The following NOTCH2 variants were observed in gnomAD, a reference collection of about 807,000 sequenced individuals.
NOTCH2 encodes the protein neurogenic locus notch homolog protein 2.
NOTCH2 carries 29 observed loss-of-function variants against 235.8 expected under a neutral mutation model. The ratio of observed to expected loss-of-function variants is 0.12; its 90% CI spans 0.09 to 0.17. NOTCH2 has a LOEUF of 0.17. Ranked by LOEUF, NOTCH2 falls within the 10% of genes least tolerant of loss-of-function variation. The probability of loss-of-function intolerance (pLI) is 1.00; values close to 1 mark genes in which losing one functional copy is unlikely to be tolerated. For synonymous variants in NOTCH2, 1,086 were observed against 1,141.5 expected (o/e 0.95, Z 0.98); for missense variants, 2,285 against 3,150.2 (o/e 0.73, Z 6.57).
chr1:119,958,236 G>A (rs1650783227), intron 12 of NOTCH2, among the ~76,000 whole-genome samples: 1 of 152,128 alleles, frequency 6.6e-6, no homozygotes, highest in African/African-American at 2.4e-5. Flanking sequence ...AGCAGCACTG[G>A]GCATTGGGTA....
At chr1:120,038,768 C>T (rs1553212284) in intron 1 of NOTCH2, among the ~76,000 whole-genome samples, 2 of 147,580 alleles carry the variant, frequency 1.4e-5, no homozygotes, top group East Asian at 3.9e-4. Flanking sequence ...AATTTCCAGG[C>T]CTTTAACAAG....
intron 5 of NOTCH2, among the ~76,000 whole-genome samples, chr1:119,975,840 T>C (rs905900596): frequency 6.6e-6 from 1 of 152,136 alleles, no homozygotes; most frequent in African/African-American, 2.4e-5. Context: ...CAGCTCATTA[T>C]GGCTCTCTCA....
chr1:119,932,518 C>T lies in NOTCH2; in HGVS notation c.3655+2954G>A, dbSNP rs181973921. Among the ~76,000 whole-genome samples the T allele has an allele frequency of 5.4e-4, 82 of 152,180 alleles. 1 individual carries two copies. In the East Asian group the frequency reaches 0.014, roughly 26 times the overall value. ...AGGAAAATCACTCGAACCCAGGAGG[C>T]GGAGGTTGCGGTGAGCTGAGATCAT... On this transcript the variant is annotated intron_variant, in intron 22 of 33. Transcript: ENST00000256646.
intron 22 of NOTCH2, 137 bp downstream of exon 22, chr1:119,935,335 C>A: frequency 1.3e-6 from 2 of 1,596,854 alleles, no homozygotes; most frequent in Non-Finnish European, 1.7e-6. Context: ...GCTTGAATTA[C>A]TAGGATGTAG....
At chr1:120,057,027 A>T (rs1553215380) in intron 1 of NOTCH2, among the ~76,000 whole-genome samples, 1 of 117,094 alleles carries the variant, frequency 8.5e-6, no homozygotes, top group Admixed American at 7.2e-5. Flanking sequence ...TTAAATAATT[A>T]TTAGATCACA....
chr1:119,948,098 T>C (rs1430587728), intron 17 of NOTCH2, among the ~76,000 whole-genome samples: 1 of 152,234 alleles, frequency 6.6e-6, no homozygotes, highest in Non-Finnish European at 1.5e-5. Context: ...AATTGTACAC[T>C]GAAAATATTT....
At chr1:120,028,981 C>T (rs373122043) in intron 2 of NOTCH2, among the ~76,000 whole-genome samples, 12 of 151,650 alleles carry the variant, frequency 7.9e-5, no homozygotes, top group Middle Eastern at 3.4e-3. Flanking sequence ...ACAAACAAAA[C>T]GTCTTGGCTA....
At position 119,957,883 on chromosome 1, in the gene NOTCH2, C is replaced by CA. The variant is rs1553198567; in HGVS notation, c.2026+1508dup. On this transcript the variant is annotated intron_variant, in intron 12 of 33. Coordinates refer to ENST00000256646, the MANE Select transcript of NOTCH2 (RefSeq NM_024408.4). ...ACACACACACACACACACACACACACAACAGGCCCCTAATCAGGATGTCCA... is the reference window on the plus strand; with the variant it reads ...ACACACACACACACACACACACACACAAACAGGCCCCTAATCAGGATGTCCA... Among the ~76,000 whole-genome samples, 191 of 143,634 alleles carry CA rather than the reference C, an allele frequency of 1.3e-3. 2 individuals are homozygous for CA. Among genetic ancestry groups the CA allele is most frequent in the Middle Eastern group, 3.5e-3 (1 of 284 alleles). The allele number at this position is 143,634 out of a possible 152,430, so 94.2% of individuals were successfully genotyped here.
intron 2 of NOTCH2, among the ~76,000 whole-genome samples, chr1:120,015,009 T>TAA (rs1181418610): frequency 4.9e-4 from 54 of 109,100 alleles, no homozygotes; most frequent in African/African-American, 1.4e-3. Context: ...TTTTTTTTTT[T>TAA]AAAAACGAGG....
intron 29 of NOTCH2, among the ~76,000 whole-genome samples, chr1:119,920,600 T>A (rs587641040): frequency 6.6e-6 from 1 of 152,288 alleles, no homozygotes; most frequent in East Asian, 1.9e-4. Context: ...CTGCATCATC[T>A]AGACAACTCC....
intron 1 of NOTCH2, among the ~76,000 whole-genome samples, chr1:120,067,336 A>T (rs1427301042): frequency 1.3e-5 from 2 of 150,498 alleles, no homozygotes; most frequent in Non-Finnish European, 2.9e-5. Context: ...AGTCAACTTG[A>T]CTAACACTCA....
rs1343578450 is a variant in NOTCH2 at position 119,931,100 on chromosome 1, CT to C, written c.3656-1889del. 1.1e-3 allele frequency among the ~76,000 whole-genome samples: 125 copies of C among 113,106 alleles called. 1 individual carries two copies. Among genetic ancestry groups the C allele is most frequent in the South Asian group, 0.011 (37 of 3,356 alleles). The allele number at this position is 113,106 out of a possible 152,430, so 74.2% of individuals were successfully genotyped here. On this transcript the variant is annotated intron_variant, in intron 22 of 33. Coordinates refer to ENST00000256646, the MANE Select transcript of NOTCH2 (RefSeq NM_024408.4). Reference sequence around the variant, plus strand: ...CCTGGGCAACAGAGCAAGACTCTGTCTTAAAAAAAAAAAAAAAAAAGGTACA... The same window carrying C: ...CCTGGGCAACAGAGCAAGACTCTGTCTAAAAAAAAAAAAAAAAAAGGTACA...
intron 4 of NOTCH2, among the ~76,000 whole-genome samples, chr1:119,988,751 G>A (rs192155838): frequency 6.6e-6 from 1 of 152,330 alleles, no homozygotes; most frequent in East Asian, 1.9e-4. Context: ...GTCTGGTGGT[G>A]TAGTAGAAGG....
chr1:119,932,305 A>G (rs1553195238), intron 22 of NOTCH2, among the ~76,000 whole-genome samples: 1 of 152,126 alleles, frequency 6.6e-6, no homozygotes, highest in African/African-American at 2.4e-5. Flanking sequence ...GAGGAAGTTC[A>G]GGCTGGGTGT....
At chr1:119,949,456 G>A (rs977823870) in intron 15 of NOTCH2, among the ~76,000 whole-genome samples, 2 of 145,214 alleles carry the variant, frequency 1.4e-5, no homozygotes, top group Non-Finnish European at 1.5e-5. Context: ...ATGCGATCTC[G>A]GCTCACTGCA....
At chr1:119,953,769 G>C in intron 13 of NOTCH2, 81 bp from the exon 14 acceptor site, 11 of 1,215,796 alleles carry the variant, frequency 9.0e-6, no homozygotes, top group Non-Finnish European at 1.3e-5. Flanking sequence ...ACTTGGTGAA[G>C]AAATGGGGTA....
At position 119,922,632 on chromosome 1, in the gene NOTCH2, T is replaced by C. The variant is rs371048215; in HGVS notation, c.5002+4A>G. 6.2e-7 allele frequency: 1 copy of C among 1,613,946 alleles called. No individual in the cohort carries two copies. The highest frequency in any genetic ancestry group is 8.5e-7 in the Non-Finnish European group (1 of 1,180,026). On this transcript the variant is annotated splice_donor_region_variant and intron_variant, in intron 27 of 33. Transcript: ENST00000256646. Reference sequence around the variant, plus strand: ...CCTTTCCCCTTTACACCAGTGCCACTCACTGACGACAGACACAAGAGGGTA... The same window carrying C: ...CCTTTCCCCTTTACACCAGTGCCACCCACTGACGACAGACACAAGAGGGTA...
chr1:120,041,041 C>CA (rs71586698), intron 1 of NOTCH2, among the ~76,000 whole-genome samples: 445 of 15,666 alleles, frequency 0.028, 120 homozygotes, highest in Non-Finnish European at 0.039. Context: ...ACTCTGCCTG[C>CA]AAAAAAAAAA....
In NOTCH2 at chr1:119,914,811, A is replaced by G. The variant is rs1649007704; in HGVS notation, c.*495T>C. 2 of 303,402 alleles carry G rather than the reference A, an allele frequency of 6.6e-6. No homozygotes were observed. The highest frequency in any genetic ancestry group is 1.2e-5 in the Non-Finnish European group (2 of 161,240). 18.8% of individuals were successfully genotyped at this position (303,402 alleles called of 1,614,324 possible). On this transcript the variant is annotated 3_prime_UTR_variant, in exon 34 of 34. Transcript: ENST00000256646. ...CCTATAACATGCTGGTAGGGCTACA[A>G]TCACGGAGAGGTGCAAAACCAAAAG...
Sources: allele counts gnomAD v4.1 joint callset (sites outside exome capture counted in the v4.1 genomes callset), GRCh38; gene constraint gnomAD v4.1.1; transcripts MANE v1.5; gene names NCBI Gene and HGNC (gene_info 2026-07-23, HGNC 2026-07-21).